The following VTI1B variants were observed in gnomAD, a reference collection of about 807,000 sequenced individuals.
The protein encoded by VTI1B is vesicle transport through interaction with t-SNAREs 1B.
A neutral mutation model predicts 28.6 loss-of-function variants in VTI1B; 18 were observed. That is an observed-to-expected ratio of 0.63 (90% CI 0.43 to 0.93). The LOEUF (loss-of-function observed/expected upper bound fraction) is 0.93. Among genes scored for constraint, VTI1B ranks in the 40% least tolerant of loss-of-function variants. The pLI, the probability that VTI1B is intolerant of heterozygous loss-of-function variation, is 0.00. For missense variants in VTI1B, 283 were observed against 297.0 expected (o/e 0.95, Z 0.35); for synonymous variants, 100 against 107.9 (o/e 0.93, Z 0.46).
chr14:67,670,754 G>A (rs889850053), intron 1 of VTI1B, among the ~76,000 whole-genome samples: 1 of 152,048 alleles, frequency 6.6e-6, no homozygotes, highest in African/African-American at 2.4e-5. Context: ...GTCTCCATCC[G>A]TGACCTTGTG....
chr14:67,659,638 A>G lies in VTI1B; in HGVS notation c.366+93T>C, dbSNP rs1222878278. On this transcript the variant is annotated intron_variant, in intron 3 of 5. Coordinates refer to ENST00000554659, the MANE Select transcript of VTI1B (RefSeq NM_006370.3). The stretch of plus-strand genomic sequence containing the variant: ...AAAATGAAACAAGAGTCTAGTATAC[A>G]CTGATAACATGAAATACCCCAACAA... 6 of 1,301,346 alleles carry G rather than the reference A, an allele frequency of 4.6e-6. No homozygotes were observed. In the East Asian group the frequency reaches 1.2e-4, roughly 26 times the overall value. 80.6% of individuals were successfully genotyped at this position (1,301,346 alleles called of 1,614,324 possible). A position where few individuals can be genotyped will look rare whatever the true frequency, so the allele number is the denominator to read the frequency against.
At chr14:67,663,806 C>T (rs1374775913) in intron 1 of VTI1B, among the ~76,000 whole-genome samples, 1 of 152,164 alleles carries the variant, frequency 6.6e-6, no homozygotes, top group East Asian at 1.9e-4. Context: ...ATACAAGCAC[C>T]TTTTCTGGTT....
rs1326147631 is a variant in VTI1B at position 67,674,357 on chromosome 14, G to T, written c.115+18C>A. 4.4e-6 allele frequency: 7 copies of T among 1,573,354 alleles called. No individual in the cohort carries two copies. Among genetic ancestry groups the T allele is most frequent in the Non-Finnish European group, 6.0e-6 (7 of 1,161,500 alleles). On this transcript the variant is annotated intron_variant, in intron 1 of 5. Coordinates refer to ENST00000554659, the MANE Select transcript of VTI1B (RefSeq NM_006370.3). ...CGCAGGGCTGCGCTCCCCACGGCGT[G>T]GCCCACCCCCGCCTCACCGGTCCCC...
chr14:67,672,680 T>A (rs1229143197), intron 1 of VTI1B, among the ~76,000 whole-genome samples: 1 of 148,396 alleles, frequency 6.7e-6, no homozygotes, highest in African/African-American at 2.5e-5. Flanking sequence ...TGACCTCAAG[T>A]GATCCGCCCG....
At chr14:67,667,719 C>CG (rs2037418453) in intron 1 of VTI1B, among the ~76,000 whole-genome samples, 1 of 151,998 alleles carries the variant, frequency 6.6e-6, no homozygotes, top group Admixed American at 6.6e-5. Context: ...CCGAGGCGGG[C>CG]GGATCACGAG....
Position 67,648,997 on chromosome 14 carries a change from C to T in VTI1B, c.*2388G>A, listed in dbSNP as rs1423086573. ...AGAAATGGTCTCCTTAGCGCCACAGCCTGCCAGAACCTTAGGCAGTACAAA... is the reference window on the plus strand; with the variant it reads ...AGAAATGGTCTCCTTAGCGCCACAGTCTGCCAGAACCTTAGGCAGTACAAA... On this transcript the variant is annotated 3_prime_UTR_variant, in exon 6 of 6. Transcript: ENST00000554659. 4 of 152,196 alleles carry T rather than the reference C, an allele frequency of 2.6e-5. No homozygotes were observed. The East Asian group carries it at 5.8e-4, about 22-fold the overall frequency. The allele number at this position is 152,196 out of a possible 1,614,324, so 9.4% of individuals were successfully genotyped here.
rs555139159 is a variant in VTI1B at position 67,669,815 on chromosome 14, T to C, written c.115+4560A>G. On this transcript the variant is annotated intron_variant, in intron 1 of 5. Transcript: ENST00000554659. Reference sequence around the variant, plus strand: ...TTAATTTCTGCCTCAAAACCAACTCTTGGGCCGGGAACTGTAGCTCACCCC... The same window carrying C: ...TTAATTTCTGCCTCAAAACCAACTCCTGGGCCGGGAACTGTAGCTCACCCC... Among the ~76,000 whole-genome samples, 6 of 152,302 alleles carry C rather than the reference T, an allele frequency of 3.9e-5. No individual in the cohort carries two copies. The South Asian group carries it at 1.0e-3, about 26-fold the overall frequency.
At chr14:67,652,702 C>G (rs928072817) in intron 5 of VTI1B, 1 of 152,162 alleles carries the variant, frequency 6.6e-6, no homozygotes, top group South Asian at 2.1e-4. Context: ...TATAGAACTT[C>G]CAGAAAAGGA....
At chr14:67,652,814 G>A (rs1265098646) in intron 5 of VTI1B, among the ~76,000 whole-genome samples, 1 of 151,476 alleles carries the variant, frequency 6.6e-6, no homozygotes, top group Non-Finnish European at 1.5e-5. Context: ...TTTTTTTTGA[G>A]ACGGAGTCTC....
chr14:67,668,332 A>C (rs1047789941), intron 1 of VTI1B, among the ~76,000 whole-genome samples: 2 of 152,222 alleles, frequency 1.3e-5, no homozygotes, highest in African/African-American at 2.4e-5. Flanking sequence ...ATAGGTATTT[A>C]ATGAAATATT....
intron 3 of VTI1B, among the ~76,000 whole-genome samples, chr14:67,657,624 C>CACA (rs1566812567): frequency 0.018 from 2,539 of 143,122 alleles, 33 homozygotes; most frequent in East Asian, 0.087. Context: ...ACACACACAC[C>CACA]CAAAATCAAA....
intron 1 of VTI1B, among the ~76,000 whole-genome samples, chr14:67,668,778 T>C (rs1002361718): frequency 2.0e-5 from 3 of 152,192 alleles, no homozygotes; most frequent in Admixed American, 6.5e-5. Context: ...TCTGATTCAA[T>C]AGGTCTGGGG....
In VTI1B at chr14:67,650,778, C is replaced by T. The variant is rs753847977; in HGVS notation, c.*607G>A. 5.6e-6 allele frequency: 9 copies of T among 1,613,956 alleles called. No individual in the cohort carries two copies. Among genetic ancestry groups the T allele is most frequent in the Admixed American group, 1.7e-5 (1 of 59,990 alleles). ...CAGTTGGCCACCTCAGAGGAAGAGG[C>T]GAAGACTACAGCTAACCTGGCAGTA... On this transcript the variant is annotated 3_prime_UTR_variant, in exon 6 of 6. Coordinates refer to ENST00000554659, the MANE Select transcript of VTI1B (RefSeq NM_006370.3).
chr14:67,655,480 T>G (rs1464135720), intron 4 of VTI1B, among the ~76,000 whole-genome samples: 1 of 152,170 alleles, frequency 6.6e-6, no homozygotes, highest in African/African-American at 2.4e-5. Context: ...TCCACAATGA[T>G]CCAGCTTACC....
chr14:67,659,562 G>A (rs1282284073), intron 3 of VTI1B, among the ~76,000 whole-genome samples, 169 bp downstream of exon 3: 1 of 151,342 alleles, frequency 6.6e-6, no homozygotes, highest in Admixed American at 6.6e-5. Flanking sequence ...AAATAGAGCA[G>A]ATACCAAGGG....
At chr14:67,653,691 T>A (rs1008095591) in intron 4 of VTI1B, among the ~76,000 whole-genome samples, 193 bp from the exon 5 acceptor site, 10 of 152,222 alleles carry the variant, frequency 6.6e-5, no homozygotes, top group Non-Finnish European at 1.5e-4. Flanking sequence ...ACTCATCAAG[T>A]AGGCTTAAGA....
At chr14:67,658,168 A>G (rs184704161) in intron 3 of VTI1B, among the ~76,000 whole-genome samples, 1 of 152,284 alleles carries the variant, frequency 6.6e-6, no homozygotes, top group Admixed American at 6.5e-5. Flanking sequence ...GGTTTTCAAA[A>G]TAAAAGATGC....
chr14:67,663,074 G>A, intron 1 of VTI1B: 1 of 1,471,930 alleles, frequency 6.8e-7, no homozygotes, highest in Non-Finnish European at 8.9e-7. Flanking sequence ...TTTTTCTCTG[G>A]GTGTGGCACC....
Position 67,648,709 on chromosome 14 carries a change from A to G in VTI1B, c.*2676T>C. The G allele has an allele frequency of 6.6e-6, 1 of 152,282 alleles. No homozygotes were observed. The highest frequency in any genetic ancestry group is 1.9e-4 in the East Asian group (1 of 5,204). 9.4% of individuals were successfully genotyped at this position (152,282 alleles called of 1,614,324 possible). A position where few individuals can be genotyped will look rare whatever the true frequency, so the allele number is the denominator to read the frequency against. ...AGTTAGATGAGAATGGCTGATGGAAAGAGTACTAAGATGAATTCTACGTTA... is the reference window on the plus strand; with the variant it reads ...AGTTAGATGAGAATGGCTGATGGAAGGAGTACTAAGATGAATTCTACGTTA... On this transcript the variant is annotated 3_prime_UTR_variant, in exon 6 of 6. Transcript: ENST00000554659.
Sources: gnomAD v4.1 joint callset for allele counts (sites outside exome capture counted in the v4.1 genomes callset) on GRCh38, gnomAD v4.1.1 for gene constraint, MANE v1.5 for transcripts, NCBI Gene and HGNC (gene_info 2026-07-23, HGNC 2026-07-21) for gene names.